Variants in RBP5 observed in about 807,000 individuals in gnomAD.
The protein encoded by RBP5 is retinol binding protein 5, also known as retinol-binding protein 5.
RBP5 carries 12 observed loss-of-function variants against 17.8 expected under a neutral mutation model. The ratio of observed to expected loss-of-function variants is 0.67; its 90% CI spans 0.43 to 1.09. The LOEUF is 1.09. RBP5 is among the 50% of genes least tolerant of loss of function. The pLI, the probability that RBP5 is intolerant of heterozygous loss-of-function variation, is 0.00. For synonymous variants in RBP5, 64 were observed against 68.1 expected (o/e 0.94, Z 0.30); for missense variants, 172 against 169.4 (o/e 1.02, Z -0.09).
In RBP5 at chr12:7,124,618, A is replaced by T; in HGVS notation, c.354+11T>A. 8.2e-7 allele frequency: 1 copy of T among 1,225,348 alleles called. No individual in the cohort carries two copies. The highest frequency in any genetic ancestry group is 1.2e-6 in the Non-Finnish European group (1 of 830,578). The allele number at this position is 1,225,348 out of a possible 1,614,324, so 75.9% of individuals were successfully genotyped here. ...CCCTTCTCCCAGACACCCAGCCCCC[A>T]CCCCATTTACCAGATACAGCATCTC... On this transcript the variant is annotated intron_variant, in intron 3 of 3. Transcript: ENST00000266560. This position sits in a 1 kb window ranked among gnomAD's most constrained non-coding sequence, Gnocchi z 5.3.
chr12:7,119,918 C>A (rs150382909), downstream of RBP5, among the ~76,000 whole-genome samples: 73 of 152,364 alleles, frequency 4.8e-4, no homozygotes, highest in African/African-American at 1.5e-3. Flanking sequence ...CTATGCAGCA[C>A]TGCCTCCCAA....
upstream of RBP5, chr12:7,129,669 A>G: frequency 2.0e-6 from 2 of 985,490 alleles, no homozygotes; most frequent in Non-Finnish European, 1.2e-6. This position sits in a 1 kb window ranked among gnomAD's most constrained non-coding sequence, Gnocchi z 5.5. Context: ...AGGCGCCTAA[A>G]TAATATTGTG....
upstream of RBP5, chr12:7,129,692 C>T: frequency 1.0e-6 from 1 of 985,512 alleles, no homozygotes; most frequent in Non-Finnish European, 1.2e-6. The surrounding 1 kb of genome is among the most constrained non-coding windows in gnomAD (Gnocchi z 5.5). Context: ...CCGCCCCCAG[C>T]TGCCCAATTC....
At chr12:7,127,405 T>G in intron 2 of RBP5, 1 of 392,518 alleles carries the variant, frequency 2.5e-6, no homozygotes. Context: ...CTTGGGATTA[T>G]GGGTGTGAGC....
At chr12:7,118,813 AATTGGAAGG>A (rs1295187096), downstream of RBP5, 1 of 152,184 alleles carries the variant, frequency 6.6e-6, no homozygotes, top group African/African-American at 2.4e-5. Context: ...CATATACTCA[AATTGGAAGG>A]ATACAGAAGA....
At chr12:7,118,989 C>T (rs1939042853), downstream of RBP5, 1 of 152,938 alleles carries the variant, frequency 6.5e-6, no homozygotes, top group Admixed American at 6.6e-5. Flanking sequence ...GTGGAGGCCT[C>T]TCAAGAAGAG....
chr12:7,122,752 C>T (rs1939098062), downstream of RBP5, among the ~76,000 whole-genome samples: 1 of 152,146 alleles, frequency 6.6e-6, no homozygotes, highest in Non-Finnish European at 1.5e-5. Flanking sequence ...TTCCAGCAGC[C>T]CTCAGAGCTT....
chr12:7,128,377 G>C lies in RBP5; in HGVS notation c.115C>G (p.Pro39Ala). Residue 39 changes from proline to alanine, a missense_variant, in exon 2 of 4, where the codon CCG becomes GCG. Coordinates refer to ENST00000266560, the MANE Select transcript of RBP5 (RefSeq NM_031491.4). This position sits in a 1 kb window ranked among gnomAD's most constrained non-coding sequence, Gnocchi z 5.3. ...AVRKIALLLK[P>A]DKEIEHQGNH... is the part of the protein sequence containing the mutation. ...CCCTGGTGTTCGATCTCCTTGTCCGGCTTCAGCAGCAGCGCGATCTTCCGC... is the reference window on the plus strand; with the variant it reads ...CCCTGGTGTTCGATCTCCTTGTCCGCCTTCAGCAGCAGCGCGATCTTCCGC... 2 of 1,614,190 alleles carry C rather than the reference G, an allele frequency of 1.2e-6. No homozygotes were observed. Among genetic ancestry groups the C allele is most frequent in the Non-Finnish European group, 8.5e-7 (1 of 1,180,028 alleles).
chr12:7,126,510 G>GGTGTGTGTGTGT (rs780320410), intron 2 of RBP5, among the ~76,000 whole-genome samples: 1 of 131,024 alleles, frequency 7.6e-6, no homozygotes, highest in African/African-American at 2.8e-5. Context: ...TGGTGGTGGT[G>GGTGTGTGTGTGT]GTGTGTGTGT....
At position 7,128,346 on chromosome 12, in the gene RBP5, T is replaced by G. The variant is rs757643812; in HGVS notation, c.146A>C (p.His49Pro). ...GGTGCTGAGCGTCCTCACCGTCATG[T>G]GGTTGCCCTGGTGTTCGATCTCCTT... is the stretch of plus-strand genomic sequence containing the variant. ...PDKEIEHQGNHMTVRTLSTFR... is the reference protein window; with the variant it reads ...PDKEIEHQGNPMTVRTLSTFR... Residue 49 changes from histidine (H) to proline (P), a missense_variant, in exon 2 of 4, where the codon CAC (histidine) becomes CCC (proline). His to Pro is a moderately conservative substitution (Grantham distance 77). Coordinates refer to ENST00000266560, the MANE Select transcript of RBP5 (RefSeq NM_031491.4). The surrounding 1 kb of genome is among the most constrained non-coding windows in gnomAD (Gnocchi z 5.3). The G allele has an allele frequency of 2.4e-5, 38 of 1,614,058 alleles. No homozygotes were observed. In the African/African-American group the frequency reaches 4.9e-4, roughly 21 times the overall value.
chr12:7,123,026 C>G (rs1939102823), downstream of RBP5, among the ~76,000 whole-genome samples: 3 of 152,164 alleles, frequency 2.0e-5, no homozygotes, highest in Admixed American at 2.0e-4. Flanking sequence ...CAGGGACTTT[C>G]CAACTCCCTC....
exon 4 of RBP5, chr12:7,116,346 G>A (rs1939004335): frequency 2.0e-5 from 3 of 152,242 alleles, no homozygotes; most frequent in Admixed American, 2.0e-4. Flanking sequence ...GGACTTCAGG[G>A]CTCTGCTGCT....
downstream of RBP5, among the ~76,000 whole-genome samples, chr12:7,120,308 C>CA (rs935774610): frequency 2.6e-5 from 4 of 152,124 alleles, no homozygotes; most frequent in African/African-American, 9.7e-5. Context: ...CACAGGTTCC[C>CA]ACAGAGCAAT....
intron 2 of RBP5, chr12:7,127,510 C>T (rs1939192294): frequency 4.9e-6 from 3 of 610,532 alleles, no homozygotes; most frequent in East Asian, 5.5e-5. Context: ...AGTTGCTATA[C>T]TGTATTGTTT....
In RBP5 at chr12:7,124,525, G is replaced by A. The variant is rs887224936; in HGVS notation, c.354+104C>T. 1 of 715,566 alleles carries A rather than the reference G, an allele frequency of 1.4e-6. No homozygotes were observed. The highest frequency in any genetic ancestry group is 2.5e-6 in the Non-Finnish European group (1 of 398,646). 44.3% of individuals were successfully genotyped at this position (715,566 alleles called of 1,614,324 possible). A position where few individuals can be genotyped will look rare whatever the true frequency, so the allele number is the denominator to read the frequency against. ...CTGGTCAATTCCTTGGATAGGGATT[G>A]GGGCTGGGCTGGGGGAAGAGTGGTG... is the stretch of plus-strand genomic sequence containing the variant. On this transcript the variant is annotated intron_variant, in intron 3 of 3. Transcript: ENST00000266560. The surrounding 1 kb of genome is among the most constrained non-coding windows in gnomAD (Gnocchi z 5.3).
At chr12:7,116,532 G>A (rs144525980) in exon 4 of RBP5, 3 of 152,260 alleles carry the variant, frequency 2.0e-5, no homozygotes, top group Non-Finnish European at 2.9e-5. Context: ...ACTTTGAAAC[G>A]AGCAGGGTAC....
chr12:7,128,438 G>A lies in RBP5; in HGVS notation c.74-20C>T. 6.2e-7 allele frequency: 1 copy of A among 1,612,982 alleles called. No homozygotes were observed. Among genetic ancestry groups the A allele is most frequent in the Non-Finnish European group, 8.5e-7 (1 of 1,179,238 alleles). On this transcript the variant is annotated intron_variant, in intron 1 of 3. Coordinates refer to ENST00000266560, the MANE Select transcript of RBP5 (RefSeq NM_031491.4). This position sits in a 1 kb window ranked among gnomAD's most constrained non-coding sequence, Gnocchi z 5.3. ...TGATGTCTGTGGGGGCTGCCTGTTAGTAGGGGTGCTGCTAGCCAGCCAGGA... is the reference window on the plus strand; with the variant it reads ...TGATGTCTGTGGGGGCTGCCTGTTAATAGGGGTGCTGCTAGCCAGCCAGGA...
Position 7,124,109 on chromosome 12 carries a change from G to A in RBP5, c.*12C>T, listed in dbSNP as rs965425613. ...GCTGGTGCTGTCTGGAGGGATCTTG[G>A]CTCCTCTCCGGCTATCTGACCTTCC... On this transcript the variant is annotated 3_prime_UTR_variant, in exon 4 of 4. Coordinates refer to ENST00000266560, the MANE Select transcript of RBP5 (RefSeq NM_031491.4). The surrounding 1 kb of genome is among the most constrained non-coding windows in gnomAD (Gnocchi z 5.3). 1 of 1,613,058 alleles carries A rather than the reference G, an allele frequency of 6.2e-7. No individual in the cohort carries two copies. Among genetic ancestry groups the A allele is most frequent in the African/African-American group, 1.3e-5 (1 of 74,976 alleles).
At position 7,126,523 on chromosome 12, in the gene RBP5, GTGT is replaced by G. The variant is rs1261917444; in HGVS notation, c.252+1714_252+1716del. ...GGTGGTGGTGGTGGTGTGTGTGTGT[GTGT>G]GTGTGTGTGTGTGTGTGTGTGTGTG... On this transcript the variant is annotated intron_variant, in intron 2 of 3. Transcript: ENST00000266560. Among the ~76,000 whole-genome samples the G allele has an allele frequency of 7.2e-5, 6 of 83,886 alleles. 1 individual carries two copies. The highest frequency in any genetic ancestry group is 2.5e-4 in the African/African-American group (6 of 23,928). The allele number at this position is 83,886 out of a possible 152,430, so 55.0% of individuals were successfully genotyped here. A position where few individuals can be genotyped will look rare whatever the true frequency, so the allele number is the denominator to read the frequency against.
Sources: gnomAD v4.1 joint callset for allele counts (sites outside exome capture counted in the v4.1 genomes callset) on GRCh38, gnomAD v4.1.1 for gene constraint, Gnocchi (gnomAD v3.1) non-coding constraint, MANE v1.5 for transcripts, NCBI Gene and HGNC (gene_info 2026-07-23, HGNC 2026-07-21) for gene names.